The following PIWIL3 variants were observed in gnomAD, a reference collection of about 807,000 sequenced individuals.
PIWIL3 encodes the protein piwi like RNA-mediated gene silencing 3.
PIWIL3 carries 101 observed loss-of-function variants against 109.7 expected under a neutral mutation model. The ratio of observed to expected loss-of-function variants is 0.92; its 90% CI spans 0.78 to 1.09. The LOEUF (loss-of-function observed/expected upper bound fraction) is 1.09. Among genes scored for constraint, PIWIL3 ranks in the 50% least tolerant of loss-of-function variants. PIWIL3 has a pLI of 0.00. For synonymous variants in PIWIL3, 373 were observed against 376.4 expected (o/e 0.99, Z 0.10); for missense variants, 1,031 against 1,072.6 (o/e 0.96, Z 0.54).
Position 24,749,413 on chromosome 22 carries a change from G to C in PIWIL3, c.1325C>G (p.Thr442Ser). 6.2e-7 allele frequency: 1 copy of C among 1,613,778 alleles called. No homozygotes were observed. Residue 442 changes from threonine to serine, a missense_variant, in exon 11 of 21, where the codon ACT becomes AGT. Thr to Ser is a moderately conservative substitution (Grantham distance 58). Transcript: ENST00000616349. The part of the protein sequence containing the change: ...RHHTLKEFIN[T>S]LQDNKKVREL... ...GAAAAGCAGCACTTACTCTTGTAGA[G>C]TATTGATGAATTCTTTTAATGTATG... is the stretch of plus-strand genomic sequence containing the variant.
At chr22:24,750,160 T>G (rs1186393274) in intron 9 of PIWIL3, among the ~76,000 whole-genome samples, 1 of 152,032 alleles carries the variant, frequency 6.6e-6, no homozygotes, top group East Asian at 1.9e-4. Context: ...CAAAGCATAC[T>G]GAAAACCGTC....
At position 24,719,849 on chromosome 22, in the gene PIWIL3, T is replaced by C. The variant is rs762922028; in HGVS notation, c.2404A>G (p.Thr802Ala). The stretch of plus-strand genomic sequence containing the variant: ...TAGATGACGTTATAATGAGTGGGGG[T>C]AACAGTCCCATCTTGCACAGACTGA... ...VSQSVQDGTVTPTHYNVIYDT... is the reference protein window; with the variant it reads ...VSQSVQDGTVAPTHYNVIYDT... The change falls in exon 20 of 21, where the codon ACC becomes GCC. Residue 802 changes from threonine (T) to alanine (A), a missense_variant. Coordinates refer to ENST00000616349, the MANE Select transcript of PIWIL3 (RefSeq NM_001255975.1). 6.2e-7 allele frequency: 1 copy of C among 1,611,872 alleles called. No individual in the cohort carries two copies.
chr22:24,748,916 G>A lies in PIWIL3; in HGVS notation c.1440C>T (p.Gly480=). Reference sequence around the variant, plus strand: ...TTTGAAACTGTCTTACCATTCTTCTGCCTTGCACGATGTTTGCGTTTTTCA... The same window carrying A: ...TTTGAAACTGTCTTACCATTCTTCTACCTTGCACGATGTTTGCGTTTTTCA... The part of the protein sequence containing the change: ...RVLKNANIVQ[G]RRMVKANSQG... Residue 480 remains glycine (G), a synonymous_variant, in exon 12 of 21, where the codon GGC becomes GGT. Coordinates refer to ENST00000616349, the MANE Select transcript of PIWIL3 (RefSeq NM_001255975.1). 2 of 1,609,934 alleles carry A rather than the reference G, an allele frequency of 1.2e-6. No individual in the cohort carries two copies. The highest frequency in any genetic ancestry group is 1.7e-6 in the Non-Finnish European group (2 of 1,177,462).
intron 14 of PIWIL3, among the ~76,000 whole-genome samples, chr22:24,732,836 T>C (rs986943349): frequency 6.6e-6 from 1 of 151,846 alleles, no homozygotes; most frequent in African/African-American, 2.4e-5. Flanking sequence ...GAAAAGGTAA[T>C]CTTGAGCTTT....
chr22:24,739,937 GC>G (rs1923888081), intron 12 of PIWIL3, among the ~76,000 whole-genome samples: 1 of 151,754 alleles, frequency 6.6e-6, no homozygotes, highest in Non-Finnish European at 1.5e-5. Flanking sequence ...TGTAGTCCCA[GC>G]TACTCAGGAG....
At chr22:24,728,900 G>GA (rs1010223472) in intron 14 of PIWIL3, among the ~76,000 whole-genome samples, 1 of 151,620 alleles carries the variant, frequency 6.6e-6, no homozygotes, top group East Asian at 1.9e-4. Flanking sequence ...GAGGAGAAAG[G>GA]AAAAAAACAA....
At chr22:24,758,820 A>G (rs539636676) in intron 3 of PIWIL3, among the ~76,000 whole-genome samples, 30 of 152,176 alleles carry the variant, frequency 2.0e-4, no homozygotes, top group Non-Finnish European at 3.5e-4. Context: ...ACATCCAGCA[A>G]TCAAATTCAT....
intron 9 of PIWIL3, 115 bp from the exon 10 acceptor site, chr22:24,749,934 T>C: frequency 7.1e-7 from 1 of 1,411,428 alleles, no homozygotes; most frequent in Non-Finnish European, 9.8e-7. Context: ...GGCGTGCTGG[T>C]GATATAGGTT....
chr22:24,740,024 C>G (rs546966612), intron 12 of PIWIL3, among the ~76,000 whole-genome samples: 4 of 142,034 alleles, frequency 2.8e-5, no homozygotes, highest in Non-Finnish European at 6.1e-5. Context: ...TGCACCCCAG[C>G]CTGGGGGACA....
At chr22:24,759,147 G>C (rs1356053624) in intron 3 of PIWIL3, among the ~76,000 whole-genome samples, 1 of 152,138 alleles carries the variant, frequency 6.6e-6, no homozygotes, top group Non-Finnish European at 1.5e-5. Context: ...ACCCACCCGG[G>C]CCTCCCAAAG....
At position 24,724,902 on chromosome 22, in the gene PIWIL3, G is replaced by GT. The variant is rs1413492710; in HGVS notation, c.2215dup (p.Thr739AsnfsTer5). 3.1e-6 allele frequency: 5 copies of GT among 1,613,708 alleles called. No individual in the cohort carries two copies. In the African/African-American group the frequency reaches 6.7e-5, roughly 22 times the overall value. On this transcript the variant is annotated frameshift_variant, in exon 18 of 21. Transcript: ENST00000616349. LOFTEE classifies it high-confidence loss of function. ...TACAACCTACTTGTTAGGAGAGATG[G>GT]TTTTTAAGTAGGTCGACATCTTTTT...
At chr22:24,762,270 C>T (rs1278845052) in intron 2 of PIWIL3, 128 bp downstream of exon 2, 1 of 1,396,498 alleles carries the variant, frequency 7.2e-7, no homozygotes, top group East Asian at 2.7e-5. Context: ...CCTGACTTTT[C>T]TTATGAACTT....
At chr22:24,734,568 GA>G (rs1923546352) in intron 13 of PIWIL3, among the ~76,000 whole-genome samples, 1 of 152,146 alleles carries the variant, frequency 6.6e-6, no homozygotes, top group South Asian at 2.1e-4. Context: ...TGTAACTGAT[GA>G]ATTACTGCAG....
Position 24,728,002 on chromosome 22 carries a change from G to T in PIWIL3, c.1957C>A (p.Arg653=). 6.2e-7 allele frequency: 1 copy of T among 1,613,914 alleles called. No individual in the cohort carries two copies. The highest frequency in any genetic ancestry group is 8.5e-7 in the Non-Finnish European group (1 of 1,179,998). Residue 653 remains arginine, a synonymous_variant, in exon 16 of 21, where the codon CGA becomes AGA. Coordinates refer to ENST00000616349, the MANE Select transcript of PIWIL3 (RefSeq NM_001255975.1). ...GIDCFHDIVN[R]QKSIAGFVAS... is the part of the protein sequence containing the mutation. ...ACAAATCCTGCTATTGATTTCTGTC[G>T]ATTTACGATATCGTGGAAACAATCA...
intron 6 of PIWIL3, 149 bp from the exon 7 acceptor site, chr22:24,755,013 G>A: frequency 4.8e-6 from 3 of 630,780 alleles, no homozygotes; most frequent in Non-Finnish European, 8.4e-6. Flanking sequence ...ATGATGAGGT[G>A]GATATTAAGG....
At chr22:24,738,526 C>T (rs542518174) in intron 12 of PIWIL3, among the ~76,000 whole-genome samples, 1 of 152,368 alleles carries the variant, frequency 6.6e-6, no homozygotes, top group East Asian at 1.9e-4. Context: ...CACCCCAAAC[C>T]CAGCTCCAGG....
At chr22:24,734,011 A>T in intron 14 of PIWIL3, 73 bp downstream of exon 14, 2 of 1,494,132 alleles carry the variant, frequency 1.3e-6, no homozygotes, top group Non-Finnish European at 1.8e-6. Flanking sequence ...CAACATTTTG[A>T]ATTCTAAAAT....
intron 17 of PIWIL3, 142 bp downstream of exon 17, chr22:24,725,303 A>C: frequency 1.9e-6 from 2 of 1,046,150 alleles, no homozygotes; most frequent in Non-Finnish European, 2.8e-6. Context: ...ACTAGACTCA[A>C]TGCCAGTAGC....
chr22:24,771,456 G>A (rs1926127536), intron 1 of PIWIL3, among the ~76,000 whole-genome samples: 7 of 143,732 alleles, frequency 4.9e-5, no homozygotes, highest in Admixed American at 3.6e-4. Flanking sequence ...CAGCCTGGGC[G>A]ACAGTGCAAG....
Sources: allele counts gnomAD v4.1 joint callset (sites outside exome capture counted in the v4.1 genomes callset), GRCh38; gene constraint gnomAD v4.1.1; transcripts MANE v1.5; gene names NCBI Gene and HGNC (gene_info 2026-07-23, HGNC 2026-07-21).